Variants in KIF26B observed in about 807,000 individuals in gnomAD.
The protein encoded by KIF26B is kinesin family member 26B.
In KIF26B, 63 loss-of-function variants were observed where a neutral mutation model predicts 151.2. The ratio of observed to expected loss-of-function variants is 0.42; its 90% CI spans 0.34 to 0.51. KIF26B has a LOEUF of 0.51. Ranked by LOEUF, KIF26B falls within the 20% of genes least tolerant of loss-of-function variation. The pLI is 0.07. For synonymous variants in KIF26B, 1,357 were observed against 1,262.1 expected (o/e 1.08, Z -1.59); for missense variants, 2,813 against 2,913.6 (o/e 0.97, Z 0.79).
chr1:245,393,817 G>C (rs1252590590), intron 3 of KIF26B, among the ~76,000 whole-genome samples: 1 of 152,186 alleles, frequency 6.6e-6, no homozygotes, highest in East Asian at 1.9e-4. Context: ...TTGGTTTCCT[G>C]CTTCTAACTG....
At chr1:245,214,273 A>C (rs1476677119) in intron 2 of KIF26B, 1 of 151,660 alleles carries the variant, frequency 6.6e-6, no homozygotes, top group Non-Finnish European at 1.5e-5. Flanking sequence ...GCTCCCTGGG[A>C]GGTTGAGGTG....
At chr1:245,436,109 G>C (rs2103044369) in intron 4 of KIF26B, among the ~76,000 whole-genome samples, 1 of 151,978 alleles carries the variant, frequency 6.6e-6, no homozygotes, top group East Asian at 1.9e-4. Flanking sequence ...CCTGGGAGGT[G>C]GAGGTTGCAG....
In KIF26B at chr1:245,699,030, C is replaced by G. The variant is rs1238157354; in HGVS notation, c.6171C>G (p.Leu2057=). Residue 2057 remains leucine (L), a synonymous_variant, in exon 14 of 15, where the codon CTC becomes CTG. Transcript: ENST00000407071. ...TGATGCTGGATCCCAACAAGTGGCT[C>G]AGTGAATGTAAGGCCGGGGTGCCTT... is the stretch of plus-strand genomic sequence containing the variant. ...QYLMLDPNKW[L]SEFDLEQVWE... The G allele has an allele frequency of 2.5e-6, 4 of 1,613,614 alleles. No homozygotes were observed. The highest frequency in any genetic ancestry group is 3.4e-6 in the Non-Finnish European group (4 of 1,179,634).
Position 245,318,488 on chromosome 1 carries a change from C to T in KIF26B, c.466-48346C>T, listed in dbSNP as rs1365667499. On this transcript the variant is annotated intron_variant, in intron 2 of 14. Coordinates refer to ENST00000407071, the MANE Select transcript of KIF26B (RefSeq NM_018012.4). The surrounding 1 kb of genome is among the most constrained non-coding windows in gnomAD (Gnocchi z 4.0). ...ATATACAAGTTGATAGGGCTACTTG[C>T]CTTCTTGCTCATTAATATCTGCTTG... Among the ~76,000 whole-genome samples the T allele has an allele frequency of 6.6e-6, 1 of 152,154 alleles. No homozygotes were observed. The highest frequency in any genetic ancestry group is 1.5e-5 in the Non-Finnish European group (1 of 68,034).
intron 3 of KIF26B, among the ~76,000 whole-genome samples, chr1:245,369,195 G>GAGAGAGAGACAGACAGACAGAC (rs375330671): frequency 2.3e-5 from 3 of 129,506 alleles, no homozygotes; most frequent in Admixed American, 7.5e-5. Flanking sequence ...GAGAGAGAGA[G>GAGAGAGAGACAGACAGACAGAC]AGACAGACAG....
intron 2 of KIF26B, among the ~76,000 whole-genome samples, chr1:245,267,580 C>T (rs1304073963): frequency 2.0e-5 from 3 of 150,864 alleles, no homozygotes; most frequent in African/African-American, 7.3e-5. Context: ...TGCTCAGCCA[C>T]GTATTAAGCC....
chr1:245,687,185 C>G lies in KIF26B; in HGVS notation c.4202C>G (p.Pro1401Arg). The G allele has an allele frequency of 6.2e-7, 1 of 1,612,886 alleles. No homozygotes were observed. The highest frequency in any genetic ancestry group is 1.3e-5 in the African/African-American group (1 of 75,010). ...GTTTACCCCTGCATTGCCATGAGCC[C>G]CCGGAACATCCAAGAGCCGGAGGCC... ...ITVYPCIAMSPRNIQEPEAPT... is the reference protein window; with the variant it reads ...ITVYPCIAMSRRNIQEPEAPT... Residue 1401 changes from proline (P) to arginine (R), a missense_variant, in exon 12 of 15, where the codon CCC becomes CGC. This residue lies in a region of KIF26B where 2,060 missense variants were observed against 2,088.6 expected (regional missense o/e 0.99). Transcript: ENST00000407071. This position sits in a 1 kb window ranked among gnomAD's most constrained non-coding sequence, Gnocchi z 4.9.
At chr1:245,169,232 C>A (rs1668664380) in intron 2 of KIF26B, among the ~76,000 whole-genome samples, 1 of 152,040 alleles carries the variant, frequency 6.6e-6, no homozygotes, top group African/African-American at 2.4e-5. Context: ...ACCCTCCATG[C>A]AAGCTTGCCT....
intron 10 of KIF26B, among the ~76,000 whole-genome samples, chr1:245,660,262 G>A (rs948157682): frequency 6.0e-5 from 1 of 16,654 alleles, no homozygotes; most frequent in African/African-American, 3.8e-4. Flanking sequence ...TTTGGCGCTG[G>A]TGTCGTGAGG....
chr1:245,295,463 A>G (rs1318015320), intron 2 of KIF26B, among the ~76,000 whole-genome samples: 1 of 152,204 alleles, frequency 6.6e-6, no homozygotes, highest in East Asian at 1.9e-4. Flanking sequence ...GGTCCGTATC[A>G]TGGGTTCCTG....
intron 2 of KIF26B, among the ~76,000 whole-genome samples, chr1:245,188,403 C>T (rs1409894072): frequency 6.6e-6 from 1 of 152,084 alleles, no homozygotes; most frequent in East Asian, 1.9e-4. Context: ...GCCCACCTCT[C>T]TCTCGAATAG....
intron 4 of KIF26B, among the ~76,000 whole-genome samples, chr1:245,538,326 G>A (rs1489568287): frequency 6.6e-6 from 1 of 152,174 alleles, no homozygotes; most frequent in African/African-American, 2.4e-5. Context: ...TAGAACAGTA[G>A]CTGGCTGGGG....
chr1:245,405,051 T>A (rs1313265735), intron 3 of KIF26B, among the ~76,000 whole-genome samples: 1 of 152,254 alleles, frequency 6.6e-6, no homozygotes. Flanking sequence ...GCATATTTTA[T>A]TAATCCTCCA....
At chr1:245,701,956 T>G (rs1479202273) in intron 14 of KIF26B, among the ~76,000 whole-genome samples, 1 of 152,300 alleles carries the variant, frequency 6.6e-6, no homozygotes, top group Admixed American at 6.5e-5. Flanking sequence ...AGGCCTGGAA[T>G]GATACAGACT....
intron 5 of KIF26B, among the ~76,000 whole-genome samples, chr1:245,541,820 T>G (rs981448354): frequency 2.0e-5 from 3 of 152,158 alleles, no homozygotes; most frequent in Non-Finnish European, 2.9e-5. Flanking sequence ...ATTTTACTTG[T>G]TCAGTTCGCA....
At chr1:245,205,849 C>A (rs1669394917) in intron 2 of KIF26B, among the ~76,000 whole-genome samples, 1 of 135,676 alleles carries the variant, frequency 7.4e-6, no homozygotes, top group East Asian at 2.6e-4. Flanking sequence ...CCCCCACCCA[C>A]ACCCCCACCC....
At chr1:245,194,921 T>C (rs1211535351) in intron 2 of KIF26B, among the ~76,000 whole-genome samples, 1 of 152,166 alleles carries the variant, frequency 6.6e-6, no homozygotes, top group Non-Finnish European at 1.5e-5. Context: ...ATTTTAACAG[T>C]TGTTTGCCCA....
chr1:245,656,517 A>G (rs980790468), intron 10 of KIF26B, among the ~76,000 whole-genome samples: 1 of 152,262 alleles, frequency 6.6e-6, no homozygotes, highest in Non-Finnish European at 1.5e-5. Flanking sequence ...AAGTTGTGTC[A>G]TAACCAGAAA....
chr1:245,188,508 C>A (rs2103531438), intron 2 of KIF26B, among the ~76,000 whole-genome samples: 1 of 152,230 alleles, frequency 6.6e-6, no homozygotes, highest in Admixed American at 6.5e-5. Flanking sequence ...TCCCTCTGTG[C>A]TTTGCAAACT....
Sources: allele counts gnomAD v4.1 joint callset (sites outside exome capture counted in the v4.1 genomes callset), GRCh38; gene constraint gnomAD v4.1.1; regional missense constraint gnomAD v4.1.1; non-coding constraint Gnocchi (gnomAD v3.1); transcripts MANE v1.5; gene names NCBI Gene and HGNC (gene_info 2026-07-23, HGNC 2026-07-21).